The following RAB44 variants were observed in gnomAD, a reference collection of about 807,000 sequenced individuals.
RAB44 encodes RAB44, member RAS oncogene family.
In RAB44, 67 loss-of-function variants were observed where a neutral mutation model predicts 93.3. That is an observed-to-expected ratio of 0.72 (90% confidence interval 0.59 to 0.88). RAB44 has a LOEUF of 0.88. RAB44 is among the 40% of genes least tolerant of loss of function. RAB44 has a pLI of 0.00. For synonymous variants in RAB44, 427 were observed against 520.3 expected, an observed-to-expected ratio of 0.82 and a Z score of 2.44; for missense variants, 1,064 against 1,261.7, an observed-to-expected ratio of 0.84 and a Z score of 2.37.
rs1763386508 is a variant in RAB44, at chr6:36,732,560, T to C, written c.*467T>C. On this transcript the variant is annotated 3_prime_UTR_variant, in exon 14 of 14. Transcript: ENST00000612677. ...CCCAAGGAGCTCCCTTGGGTGCTGCTGGCTCCTAATTAGTGTAACCTGTTA... is the reference window on the plus strand; with the variant it reads ...CCCAAGGAGCTCCCTTGGGTGCTGCCGGCTCCTAATTAGTGTAACCTGTTA... The C allele has an allele frequency of 6.6e-6, 1 of 152,268 alleles. No homozygotes were observed. The highest frequency in any genetic ancestry group is 2.1e-4 in the South Asian group (1 of 4,832). The allele number at this position is 152,268 out of a possible 1,614,324, so 9.4% of individuals were successfully genotyped here.
At position 36,721,501 on chromosome 6, in the gene RAB44, G is replaced by C. The variant is rs1431245419; in HGVS notation, c.1367G>C (p.Arg456Thr). ...GTGGACCCACATGAGCAGGACATTA[G>C]AGCAGAGCAGCCTGTTGAACCGCAC... ...KGVDPHEQDI[R>T]AEQPVEPHDP... Residue 456 changes from arginine (R) to threonine (T), a missense_variant, in exon 9 of 14, where the codon AGA (arginine) becomes ACA (threonine). By Grantham distance (71) the Arg-to-Thr change is moderately conservative. Coordinates refer to ENST00000612677, the MANE Select transcript of RAB44 (RefSeq NM_001257357.2). 4 of 1,234,442 alleles carry C rather than the reference G, an allele frequency of 3.2e-6. No individual in the cohort carries two copies. In the African/African-American group the frequency reaches 6.2e-5, roughly 19 times the overall value. 76.5% of individuals were successfully genotyped at this position (1,234,442 alleles called of 1,614,324 possible). A position where few individuals can be genotyped will look rare whatever the true frequency, so the allele number is the denominator to read the frequency against.
intron 2 of RAB44, among the ~76,000 whole-genome samples, chr6:36,708,614 TAGA>T (rs1762708133): frequency 6.6e-6 from 1 of 152,104 alleles, no homozygotes; most frequent in Admixed American, 6.5e-5. Context: ...GAAATAAACA[TAGA>T]AGAAGGTAAT....
intron 10 of RAB44, among the ~76,000 whole-genome samples, chr6:36,726,486 A>G (rs1285478868): frequency 1.3e-5 from 2 of 152,050 alleles, no homozygotes; most frequent in East Asian, 1.9e-4. Flanking sequence ...CTCGTGATCT[A>G]CCTGCCTCGG....
intron 9 of RAB44, among the ~76,000 whole-genome samples, chr6:36,723,838 A>C (rs1279228417): frequency 7.0e-6 from 1 of 142,686 alleles, no homozygotes; most frequent in East Asian, 2.0e-4. Context: ...CCGTCTCCCA[A>C]AAAAAAAAAA....
At chr6:36,703,156 C>G (rs1762552785) in intron 1 of RAB44, among the ~76,000 whole-genome samples, 2 of 152,178 alleles carry the variant, frequency 1.3e-5, no homozygotes, top group Non-Finnish European at 2.9e-5. Context: ...TGGTGGAAGG[C>G]AGAAGGACGA....
At position 36,715,500 on chromosome 6, in the gene RAB44, A is replaced by G; in HGVS notation, c.341A>G (p.Gln114Arg). ...SGLKNIFGSS[Q>R]SPHRLRRRKP... ...ACAGAAAACATCTTTGGCTCCAGCCAGAGCCCCCACAGGCTCCGCAGAAGG... is the reference window on the plus strand; with the variant it reads ...ACAGAAAACATCTTTGGCTCCAGCCGGAGCCCCCACAGGCTCCGCAGAAGG... Residue 114 changes from glutamine (Q) to arginine (R), a missense_variant, in exon 4 of 14, where the codon CAG (glutamine) becomes CGG (arginine). Transcript: ENST00000612677. 6.5e-7 allele frequency: 1 copy of G among 1,536,130 alleles called. No individual in the cohort carries two copies. Among genetic ancestry groups the G allele is most frequent in the Non-Finnish European group, 8.7e-7 (1 of 1,146,896 alleles).
intron 2 of RAB44, among the ~76,000 whole-genome samples, chr6:36,710,720 G>C (rs1311605812): frequency 6.6e-6 from 1 of 152,020 alleles, no homozygotes; most frequent in African/African-American, 2.4e-5. Flanking sequence ...CTGGGATCAA[G>C]TGATTCTCCT....
rs868073017 is a variant in RAB44, at chr6:36,717,220, C to A, written c.495-53C>A. ...GAGGAGTGGGGCTCCCCTTGCTTCT[C>A]CATCCCACCTTGTGTCTGACCCTCC... On this transcript the variant is annotated intron_variant, in intron 4 of 13. Coordinates refer to ENST00000612677, the MANE Select transcript of RAB44 (RefSeq NM_001257357.2). The surrounding 1 kb of genome is among the most constrained non-coding windows in gnomAD (Gnocchi z 4.1). 4 of 1,231,138 alleles carry A rather than the reference C, an allele frequency of 3.2e-6. No homozygotes were observed. In the African/African-American group the frequency reaches 6.2e-5, roughly 19 times the overall value. The allele number at this position is 1,231,138 out of a possible 1,614,324, so 76.3% of individuals were successfully genotyped here.
intron 12 of RAB44, among the ~76,000 whole-genome samples, chr6:36,729,621 T>C (rs1232425909): frequency 1.3e-5 from 2 of 152,122 alleles, no homozygotes; most frequent in South Asian, 2.1e-4. Flanking sequence ...TAGCTGGGAT[T>C]ACAGGCATGT....
At position 36,727,096 on chromosome 6, in the gene RAB44, C is replaced by T. The variant is rs148596169; in HGVS notation, c.2682-481C>T. 6.0e-4 allele frequency among the ~76,000 whole-genome samples: 91 copies of T among 152,210 alleles called. 1 individual carries two copies. Among genetic ancestry groups the T allele is most frequent in the African/African-American group, 1.9e-3 (77 of 41,538 alleles). On this transcript the variant is annotated intron_variant, in intron 10 of 13. Coordinates refer to ENST00000612677, the MANE Select transcript of RAB44 (RefSeq NM_001257357.2). ...GATTACAGGCGTGAGCCACCGTGCC[C>T]AGCCCGATAGGGAAATTTCTCCAAG...
intron 10 of RAB44, 135 bp from the exon 11 acceptor site, chr6:36,727,442 C>T (rs1763263510): frequency 1.6e-6 from 1 of 629,128 alleles, no homozygotes; most frequent in South Asian, 1.8e-5. Context: ...AATAACTACA[C>T]TGTACGAAGA....
chr6:36,718,985 A>G (rs1186935192), intron 7 of RAB44, among the ~76,000 whole-genome samples: 1 of 151,872 alleles, frequency 6.6e-6, no homozygotes, highest in African/African-American at 2.4e-5. Context: ...GCTCACTGCA[A>G]GCTCCGCCTC....
rs950811499 is a variant in RAB44 at position 36,715,539 on chromosome 6, C to G, written c.380C>G (p.Ser127Cys). The change falls in exon 4 of 14, where the codon TCT (serine) becomes TGT (cysteine). Residue 127 changes from serine to cysteine, a missense_variant. Ser to Cys is a moderately radical substitution (Grantham distance 112). Transcript: ENST00000612677. ...CTCCGCAGAAGGAAGCCACTGCCCT[C>G]TAAGCGGGTATCTGCTACCACCAGC... Reference protein sequence around the residue: ...HRLRRRKPLPSKRVSATTSFP... With the variant: ...HRLRRRKPLPCKRVSATTSFP... The G allele has an allele frequency of 1.3e-6, 2 of 1,536,174 alleles. No individual in the cohort carries two copies. Among genetic ancestry groups the G allele is most frequent in the Non-Finnish European group, 1.7e-6 (2 of 1,146,920 alleles).
At chr6:36,730,199 A>G (rs1174618931) in intron 12 of RAB44, among the ~76,000 whole-genome samples, 2 of 152,218 alleles carry the variant, frequency 1.3e-5, no homozygotes, top group South Asian at 2.1e-4. Context: ...CTAACTGTAC[A>G]GGACAGTTAG....
At chr6:36,724,900 C>A (rs1763197744) in intron 9 of RAB44, among the ~76,000 whole-genome samples, 1 of 152,206 alleles carries the variant, frequency 6.6e-6, no homozygotes. Context: ...TCCTGCTCCC[C>A]CACCTCACAA....
At chr6:36,713,515 T>C (rs1762838059) in intron 2 of RAB44, among the ~76,000 whole-genome samples, 1 of 152,190 alleles carries the variant, frequency 6.6e-6, no homozygotes, top group South Asian at 2.1e-4. Flanking sequence ...TTTTGGACAC[T>C]GATCACCACA....
At position 36,721,938 on chromosome 6, in the gene RAB44, C is replaced by G; in HGVS notation, c.1804C>G (p.Leu602Val). ...GCATGCCACTGGCTCTGAGCCAAGA[C>G]TGGGGACCCAGAGGGCTAGAGCCCT... ...DLHATGSEPR[L>V]GTQRARALTL... Residue 602 changes from leucine to valine, a missense_variant, in exon 9 of 14, where the codon CTG becomes GTG. Coordinates refer to ENST00000612677, the MANE Select transcript of RAB44 (RefSeq NM_001257357.2). 8.1e-7 allele frequency: 1 copy of G among 1,234,674 alleles called. No homozygotes were observed. The highest frequency in any genetic ancestry group is 1.0e-6 in the Non-Finnish European group (1 of 988,382). The allele number at this position is 1,234,674 out of a possible 1,614,324, so 76.5% of individuals were successfully genotyped here.
chr6:36,729,040 G>A (rs1439632697), intron 12 of RAB44, among the ~76,000 whole-genome samples: 6 of 152,126 alleles, frequency 3.9e-5, no homozygotes, highest in South Asian at 2.1e-4. Context: ...AGTGGCGGGC[G>A]TGACACTGAA....
rs1763352919 is a variant in RAB44, at chr6:36,731,040, G to A, written c.2975+291G>A. The stretch of plus-strand genomic sequence containing the variant: ...TCATTTGCAAAGAGGGCTGAGAAAA[G>A]GAGTGTCTCTCTTCTGCTCCCAAAC... On this transcript the variant is annotated intron_variant, in intron 13 of 13. Coordinates refer to ENST00000612677, the MANE Select transcript of RAB44 (RefSeq NM_001257357.2). The surrounding 1 kb of genome is among the most constrained non-coding windows in gnomAD (Gnocchi z 4.0). Among the ~76,000 whole-genome samples the A allele has an allele frequency of 6.6e-6, 1 of 151,946 alleles. No homozygotes were observed. Among genetic ancestry groups the A allele is most frequent in the African/African-American group, 2.4e-5 (1 of 41,354 alleles).
Sources: allele counts gnomAD v4.1 joint callset (sites outside exome capture counted in the v4.1 genomes callset), GRCh38; gene constraint gnomAD v4.1.1; non-coding constraint Gnocchi (gnomAD v3.1); transcripts MANE v1.5; gene names NCBI Gene and HGNC (gene_info 2026-07-23, HGNC 2026-07-21).